Variants in ENPP1 observed in about 807,000 individuals in gnomAD.
ENPP1 encodes the protein ectonucleotide pyrophosphatase/phosphodiesterase family member 1.
Under a neutral mutation model 122.8 loss-of-function variants are expected in ENPP1, and 73 were observed. The ratio of observed to expected loss-of-function variants is 0.59; its 90% confidence interval spans 0.49 to 0.72. ENPP1 has a LOEUF of 0.72. Among genes scored for constraint, ENPP1 ranks in the 30% least tolerant of loss-of-function variants. ENPP1 has a pLI of 0.00. For missense variants in ENPP1, 978 were observed against 1,128.1 expected (o/e 0.87, Z 1.91); for synonymous variants, 367 against 391.6 (o/e 0.94, Z 0.74).
At position 131,861,714 on chromosome 6, in the gene ENPP1, A is replaced by C. The variant is rs1298207534; in HGVS notation, c.1025+10A>C. The C allele has an allele frequency of 1.4e-6, 2 of 1,452,332 alleles. No homozygotes were observed. The highest frequency in any genetic ancestry group is 1.7e-5 in the Admixed American group (1 of 59,834). The allele number at this position is 1,452,332 out of a possible 1,614,324, so 90.0% of individuals were successfully genotyped here. A position where few individuals can be genotyped will look rare whatever the true frequency, so the allele number is the denominator to read the frequency against. On this transcript the variant is annotated intron_variant, in intron 9 of 24. Coordinates refer to ENST00000647893, the MANE Select transcript of ENPP1 (RefSeq NM_006208.3). Reference sequence around the variant, plus strand: ...ATAAAATGTATAATGGGTATGTGAAATGAATTTTTTCTAGGATCTGTAATA... The same window carrying C: ...ATAAAATGTATAATGGGTATGTGAACTGAATTTTTTCTAGGATCTGTAATA...
chr6:131,875,968 CA>C, intron 17 of ENPP1, 105 bp downstream of exon 17: 1 of 859,964 alleles, frequency 1.2e-6, no homozygotes, highest in East Asian at 2.5e-5. Context: ...GATGGTGAGG[CA>C]AGACAGATTT....
At chr6:131,874,938 A>T (rs546510952) in intron 16 of ENPP1, among the ~76,000 whole-genome samples, 86 of 152,290 alleles carry the variant, frequency 5.6e-4, no homozygotes, top group African/African-American at 2.0e-3. Context: ...GGGGGCCATT[A>T]TCCTTAGTGA....
chr6:131,844,880 A>G (rs1781786807), intron 1 of ENPP1, among the ~76,000 whole-genome samples: 1 of 152,148 alleles, frequency 6.6e-6, no homozygotes, highest in Non-Finnish European at 1.5e-5. Context: ...AACATTGGAA[A>G]CTGATCTAAA....
intron 7 of ENPP1, among the ~76,000 whole-genome samples, chr6:131,859,253 AATT>A (rs1231732510): frequency 6.6e-6 from 1 of 152,198 alleles, no homozygotes; most frequent in Non-Finnish European, 1.5e-5. Flanking sequence ...GAAGCCAGAA[AATT>A]AGTATGTTAG....
chr6:131,830,259 T>C (rs2114669783), intron 1 of ENPP1, among the ~76,000 whole-genome samples: 1 of 152,250 alleles, frequency 6.6e-6, no homozygotes, highest in Non-Finnish European at 1.5e-5. Flanking sequence ...GCTGCAATGC[T>C]CAGTGGATGT....
At chr6:131,851,983 A>G (rs987301551) in intron 4 of ENPP1, among the ~76,000 whole-genome samples, 192 bp from the exon 5 acceptor site, 2 of 152,158 alleles carry the variant, frequency 1.3e-5, no homozygotes, top group Non-Finnish European at 2.9e-5. Flanking sequence ...TTAATTCCTG[A>G]TATCAACTAA....
intron 9 of ENPP1, among the ~76,000 whole-genome samples, chr6:131,863,914 C>CA (rs571519883): frequency 7.3e-5 from 11 of 151,050 alleles, no homozygotes; most frequent in East Asian, 3.9e-4. Context: ...GACTCTGTCT[C>CA]AAAAAAAACA....
chr6:131,824,698 C>T (rs1220800352), intron 1 of ENPP1, among the ~76,000 whole-genome samples: 2 of 152,236 alleles, frequency 1.3e-5, no homozygotes, highest in Non-Finnish European at 2.9e-5. Flanking sequence ...TCATGATTCA[C>T]CCACCTCGGC....
At chr6:131,869,309 A>T (rs1182085569) in intron 12 of ENPP1, 49 bp from the exon 13 acceptor site, 3 of 1,601,000 alleles carry the variant, frequency 1.9e-6, no homozygotes, top group Non-Finnish European at 2.6e-6. Flanking sequence ...TGCATATTAA[A>T]TTTTTTGTTA....
At chr6:131,814,615 T>C (rs1781393891) in intron 1 of ENPP1, among the ~76,000 whole-genome samples, 1 of 152,196 alleles carries the variant, frequency 6.6e-6, no homozygotes, top group South Asian at 2.1e-4. Context: ...TGATCCATTA[T>C]CTTAACTCTA....
rs1229874710 is a variant in ENPP1 at position 131,808,146 on chromosome 6, C to A, written c.111C>A (p.Ala37=). 4 of 1,437,430 alleles carry A rather than the reference C, an allele frequency of 2.8e-6. No individual in the cohort carries two copies. The highest frequency in any genetic ancestry group is 3.7e-6 in the Non-Finnish European group (4 of 1,089,334). 89.0% of individuals were successfully genotyped at this position (1,437,430 alleles called of 1,614,324 possible). Residue 37 remains alanine, a synonymous_variant, in exon 1 of 25, where the codon GCC becomes GCA. Coordinates refer to ENST00000647893, the MANE Select transcript of ENPP1 (RefSeq NM_006208.3). ...NGRDRGRSHA[A]EAPGDPQAAA... ...GCGATCGGGGCCGCAGCCACGCTGC[C>A]GAGGCGCCCGGGGACCCGCAGGCGG...
At position 131,885,057 on chromosome 6, in the gene ENPP1, T is replaced by A. The variant is rs765259040; in HGVS notation, c.2438T>A (p.Leu813Gln). ...GGACGTTGTGATTCCTTAGAGAATCTGAGGCAGTAAGAACATATTTCATTA... is the reference window on the plus strand; with the variant it reads ...GGACGTTGTGATTCCTTAGAGAATCAGAGGCAGTAAGAACATATTTCATTA... ...YDGRCDSLENLRQKRRVIRNQ... is the reference protein window; with the variant it reads ...YDGRCDSLENQRQKRRVIRNQ... The change falls in exon 23 of 25, where the codon CTG (leucine) becomes CAG (glutamine). Residue 813 changes from leucine (L) to glutamine (Q), a missense_variant. This residue lies in a region of ENPP1 where 644 missense variants were observed against 781.5 expected (regional missense o/e 0.82). Transcript: ENST00000647893. 2.5e-6 allele frequency: 4 copies of A among 1,613,984 alleles called. No homozygotes were observed. The highest frequency in any genetic ancestry group is 3.4e-6 in the Non-Finnish European group (4 of 1,179,882).
rs188232525 is a variant in ENPP1, at chr6:131,879,357, G to A, written c.1946-523G>A. Among the ~76,000 whole-genome samples, 48 of 152,204 alleles carry A rather than the reference G, an allele frequency of 3.2e-4. No individual in the cohort carries two copies. In the East Asian group the frequency reaches 8.9e-3, roughly 28 times the overall value. ...GCTGCTGTTTCCTTATCTGTAAAAT[G>A]GGCATATAACCTTAATTCATAGGGA... On this transcript the variant is annotated intron_variant, in intron 19 of 24. Coordinates refer to ENST00000647893, the MANE Select transcript of ENPP1 (RefSeq NM_006208.3).
intron 1 of ENPP1, among the ~76,000 whole-genome samples, chr6:131,846,151 G>A (rs760282619): frequency 4.6e-5 from 7 of 152,212 alleles, no homozygotes; most frequent in South Asian, 2.1e-4. Context: ...TACATAGTCC[G>A]TACTCAATAC....
At chr6:131,816,250 A>G (rs989992232) in intron 1 of ENPP1, among the ~76,000 whole-genome samples, 17 of 151,810 alleles carry the variant, frequency 1.1e-4, no homozygotes, top group African/African-American at 4.1e-4. Context: ...TTTTCTTACT[A>G]TGGGGAGAGG....
At chr6:131,845,543 G>A (rs1317701232) in intron 1 of ENPP1, among the ~76,000 whole-genome samples, 3 of 147,236 alleles carry the variant, frequency 2.0e-5, no homozygotes, top group Non-Finnish European at 1.5e-5. Context: ...TGCAACCTCC[G>A]CCTCCCGGGT....
chr6:131,813,292 G>A (rs956638550), intron 1 of ENPP1, among the ~76,000 whole-genome samples: 1 of 151,742 alleles, frequency 6.6e-6, no homozygotes, highest in East Asian at 2.0e-4. Flanking sequence ...ATCATTTGAG[G>A]TCAGGAGTTC....
chr6:131,842,742 G>A (rs1781758200), intron 1 of ENPP1, among the ~76,000 whole-genome samples: 1 of 152,122 alleles, frequency 6.6e-6, no homozygotes, highest in Non-Finnish European at 1.5e-5. Context: ...TTCTCTGTAA[G>A]GGTAGGAGTT....
chr6:131,837,520 CAAAAAAAAAA>C (rs34431136), intron 1 of ENPP1, among the ~76,000 whole-genome samples: 1 of 81,944 alleles, frequency 1.2e-5, no homozygotes, highest in Non-Finnish European at 2.6e-5. Flanking sequence ...GACTCTGTCT[CAAAAAAAAAA>C]AAAAAAAAAA....
Sources: allele counts gnomAD v4.1 joint callset (sites outside exome capture counted in the v4.1 genomes callset), GRCh38; gene constraint gnomAD v4.1.1; regional missense constraint gnomAD v4.1.1; transcripts MANE v1.5; gene names NCBI Gene and HGNC (gene_info 2026-07-23, HGNC 2026-07-21).